GAREM1: variants seen among roughly 807,000 people sequenced by gnomAD.
The protein encoded by GAREM1 is GRB2 associated regulator of MAPK1 subtype 1.
GAREM1 carries 26 observed loss-of-function variants against 71.3 expected under a neutral mutation model. The ratio of observed to expected loss-of-function variants is 0.36; its 90% CI spans 0.27 to 0.51. The LOEUF is 0.51. GAREM1 is among the 20% of genes least tolerant of loss of function. The pLI, the probability that GAREM1 is intolerant of heterozygous loss-of-function variation, is 0.95. For synonymous variants in GAREM1, 440 were observed against 433.2 expected (o/e 1.02, Z -0.20); for missense variants, 1,026 against 1,103.1 (o/e 0.93, Z 0.99).
chr18:32,401,532 T>C (rs1157422798), intron 1 of GAREM1, among the ~76,000 whole-genome samples: 1 of 152,042 alleles, frequency 6.6e-6, no homozygotes, highest in African/African-American at 2.4e-5. Flanking sequence ...ATACAGCATG[T>C]GAGCTGCTCT....
chr18:32,432,682 TCA>T (rs989604512), intron 1 of GAREM1, among the ~76,000 whole-genome samples: 6 of 152,224 alleles, frequency 3.9e-5, no homozygotes, highest in Admixed American at 1.3e-4. Flanking sequence ...CGTATAAATT[TCA>T]CAGTTTAGAT....
intron 1 of GAREM1, among the ~76,000 whole-genome samples, chr18:32,458,039 T>C (rs1299626839): frequency 6.6e-6 from 1 of 152,140 alleles, no homozygotes; most frequent in African/African-American, 2.4e-5. Context: ...ATTTCTATTA[T>C]TTATTCACTA....
chr18:32,326,096 A>T (rs1567965272), intron 2 of GAREM1, among the ~76,000 whole-genome samples: 1 of 152,248 alleles, frequency 6.6e-6, no homozygotes, highest in Non-Finnish European at 1.5e-5. Flanking sequence ...ATCAAAAAGT[A>T]TTCTAAATTT....
chr18:32,463,149 A>G (rs886904132), intron 1 of GAREM1, among the ~76,000 whole-genome samples: 31 of 151,270 alleles, frequency 2.0e-4, no homozygotes, highest in African/African-American at 7.6e-4. Context: ...TGATCATTGC[A>G]TAATGTGTAC....
chr18:32,465,790 A>T (rs1224029707), intron 1 of GAREM1, among the ~76,000 whole-genome samples: 1 of 152,208 alleles, frequency 6.6e-6, no homozygotes, highest in Non-Finnish European at 1.5e-5. Flanking sequence ...CTTGTTTAAA[A>T]ATTAATGGGC....
At chr18:32,440,060 T>C (rs2048719310) in intron 1 of GAREM1, among the ~76,000 whole-genome samples, 1 of 152,206 alleles carries the variant, frequency 6.6e-6, no homozygotes, top group South Asian at 2.1e-4. Context: ...TGGCCTCTTC[T>C]GTTCATACAT....
At chr18:32,278,883 A>G (rs1158713347) in intron 4 of GAREM1, among the ~76,000 whole-genome samples, 1 of 152,100 alleles carries the variant, frequency 6.6e-6, no homozygotes, top group Non-Finnish European at 1.5e-5. Flanking sequence ...TCTTTTTTCC[A>G]TTTTTATACA....
intron 1 of GAREM1, among the ~76,000 whole-genome samples, chr18:32,422,845 T>G (rs550137789): frequency 3.3e-5 from 5 of 152,272 alleles, no homozygotes; most frequent in Non-Finnish European, 5.9e-5. Flanking sequence ...AGAAGTCTGC[T>G]TGGAGAAACT....
intron 1 of GAREM1, among the ~76,000 whole-genome samples, chr18:32,465,016 C>T (rs1381987850): frequency 1.3e-5 from 2 of 152,078 alleles, no homozygotes; most frequent in Admixed American, 1.3e-4. Flanking sequence ...CACGGGAAAA[C>T]TACAAATCAA....
intron 3 of GAREM1, among the ~76,000 whole-genome samples, chr18:32,301,388 T>C (rs2047200240): frequency 6.6e-6 from 1 of 152,178 alleles, no homozygotes; most frequent in African/African-American, 2.4e-5. Context: ...AATTTCAAAA[T>C]AAGTGTGAAC....
intron 1 of GAREM1, among the ~76,000 whole-genome samples, chr18:32,443,842 G>A (rs770365735): frequency 6.6e-6 from 1 of 152,074 alleles, no homozygotes; most frequent in African/African-American, 2.4e-5. Context: ...AGCAATATTC[G>A]TAACAGCCCA....
At chr18:32,342,574 C>T (rs1033059717) in intron 2 of GAREM1, among the ~76,000 whole-genome samples, 2 of 152,182 alleles carry the variant, frequency 1.3e-5, no homozygotes, top group South Asian at 2.1e-4. Context: ...ATGCTTCCTA[C>T]ACACCTCAGC....
chr18:32,364,582 C>G (rs1443962233), intron 2 of GAREM1, among the ~76,000 whole-genome samples: 1 of 152,170 alleles, frequency 6.6e-6, no homozygotes, highest in Non-Finnish European at 1.5e-5. Flanking sequence ...CAAACCTGCA[C>G]AGCCTGCACA....
At chr18:32,334,135 C>T (rs906119919) in intron 2 of GAREM1, among the ~76,000 whole-genome samples, 3 of 152,142 alleles carry the variant, frequency 2.0e-5, no homozygotes, top group African/African-American at 7.2e-5. Flanking sequence ...AACTGTAACC[C>T]AGCCAGATAC....
At chr18:32,360,332 G>A (rs1327149181) in intron 2 of GAREM1, among the ~76,000 whole-genome samples, 1 of 151,680 alleles carries the variant, frequency 6.6e-6, no homozygotes, top group Non-Finnish European at 1.5e-5. Context: ...TTCTTTTCTG[G>A]TTTGTGGTTT....
chr18:32,392,722 A>G (rs935794337), intron 2 of GAREM1, among the ~76,000 whole-genome samples, 173 bp downstream of exon 2: 1 of 152,216 alleles, frequency 6.6e-6, no homozygotes, highest in Non-Finnish European at 1.5e-5. Flanking sequence ...CATTAATTAG[A>G]AATACTTCTA....
At chr18:32,345,373 C>T (rs892158264) in intron 2 of GAREM1, among the ~76,000 whole-genome samples, 1 of 152,098 alleles carries the variant, frequency 6.6e-6, no homozygotes, top group African/African-American at 2.4e-5. Flanking sequence ...TTTTTGAAAT[C>T]TAAACCCAAA....
At chr18:32,413,274 G>C in intron 1 of GAREM1, 4 of 1,446,644 alleles carry the variant, frequency 2.8e-6, no homozygotes, top group Non-Finnish European at 3.8e-6. Context: ...TGACAGTTTG[G>C]GGGAGTCACT....
At position 32,270,352 on chromosome 18, in the gene GAREM1, G is replaced by A. The variant is rs768042188; in HGVS notation, c.1598C>T (p.Pro533Leu). Residue 533 changes from proline to leucine, a missense_variant, in exon 5 of 6, where the codon CCA becomes CTA. Coordinates refer to ENST00000269209, the MANE Select transcript of GAREM1 (RefSeq NM_001242409.2). ...CTTTGCGCTTCGGGGTGGAACAGGT[G>A]GGGCGTTCAGGAGCCGGCATTCTTC... Reference protein sequence around the residue: ...VREECRLLNAPPVPPRSAKPL... With the variant: ...VREECRLLNALPVPPRSAKPL... 4 of 1,613,538 alleles carry A rather than the reference G, an allele frequency of 2.5e-6. No homozygotes were observed. Among genetic ancestry groups the A allele is most frequent in the African/African-American group, 1.3e-5 (1 of 74,928 alleles).
Sources: gnomAD v4.1 joint callset for allele counts (sites outside exome capture counted in the v4.1 genomes callset) on GRCh38, gnomAD v4.1.1 for gene constraint, MANE v1.5 for transcripts, NCBI Gene and HGNC (gene_info 2026-07-23, HGNC 2026-07-21) for gene names.